TMEM245: variants seen among roughly 807,000 people sequenced by gnomAD.
The protein encoded by TMEM245 is transmembrane protein 245.
In TMEM245, 69 loss-of-function variants were observed where a neutral mutation model predicts 101.2. The observed-to-expected ratio is 0.68, with a 90% confidence interval of 0.56 to 0.83. TMEM245 has a LOEUF of 0.83. Ranked by LOEUF, TMEM245 falls within the 40% of genes least tolerant of loss-of-function variation. The pLI, the probability that TMEM245 is intolerant of heterozygous loss-of-function variation, is 0.00. For missense variants in TMEM245, 1,075 were observed against 1,092.8 expected (o/e 0.98, Z 0.23); for synonymous variants, 537 against 449.8 (o/e 1.19, Z -2.45).
intron 12 of TMEM245, among the ~76,000 whole-genome samples, chr9:109,054,965 T>C (rs966306662): frequency 6.6e-6 from 1 of 152,226 alleles, no homozygotes; most frequent in Non-Finnish European, 1.5e-5. Flanking sequence ...CCCTGAACTG[T>C]TCATTACTCA....
intron 8 of TMEM245, among the ~76,000 whole-genome samples, chr9:109,074,601 T>A (rs1245329332): frequency 7.5e-6 from 1 of 133,780 alleles, no homozygotes; most frequent in Non-Finnish European, 1.6e-5. Flanking sequence ...TCTCTGTCCC[T>A]TTCTGCAGTG....
At chr9:109,027,201 G>C (rs1001003961) in intron 17 of TMEM245, among the ~76,000 whole-genome samples, 1 of 152,104 alleles carries the variant, frequency 6.6e-6, no homozygotes, top group Non-Finnish European at 1.5e-5. Context: ...AGTAGGGTGG[G>C]AGATGGGGGT....
chr9:109,024,531 T>C (rs1464493563), intron 17 of TMEM245, among the ~76,000 whole-genome samples: 2 of 152,182 alleles, frequency 1.3e-5, no homozygotes, highest in Non-Finnish European at 2.9e-5. Flanking sequence ...AACACACATC[T>C]ATAAAACGCG....
At chr9:109,085,911 C>A in intron 7 of TMEM245, 86 bp downstream of exon 7, 6 of 1,442,428 alleles carry the variant, frequency 4.2e-6, no homozygotes, top group Non-Finnish European at 5.8e-6. Context: ...TAGTTTGACA[C>A]ATGGACAGAA....
At chr9:109,116,918 G>A (rs1331978753) in intron 1 of TMEM245, among the ~76,000 whole-genome samples, 1 of 152,130 alleles carries the variant, frequency 6.6e-6, no homozygotes, top group African/African-American at 2.4e-5. Context: ...AGTGCTGCTT[G>A]AGCAGAATGC....
At chr9:109,036,866 C>T (rs1588023605) in intron 15 of TMEM245, among the ~76,000 whole-genome samples, 1 of 152,336 alleles carries the variant, frequency 6.6e-6, no homozygotes, top group Admixed American at 6.5e-5. Flanking sequence ...CTCCATCTGG[C>T]TTCTCTCCAA....
In TMEM245 at chr9:109,046,712, T is replaced by C. The variant is rs113407155; in HGVS notation, c.2123+3571A>G. Among the ~76,000 whole-genome samples the C allele has an allele frequency of 9.8e-4, 150 of 152,352 alleles. 1 individual carries two copies. The highest frequency in any genetic ancestry group is 3.4e-3 in the African/African-American group (140 of 41,580). On this transcript the variant is annotated intron_variant, in intron 14 of 17. Coordinates refer to ENST00000374586, the MANE Select transcript of TMEM245 (RefSeq NM_032012.4). ...AATGACTGATGCTTATAAAAGTTGG[T>C]ATCACTGATATTTGTAGGCTAAACT... is the stretch of plus-strand genomic sequence containing the variant.
rs139203152 is a variant in TMEM245 at position 109,062,290 on chromosome 9, C to A, written c.1624-1838G>T. On this transcript the variant is annotated intron_variant, in intron 10 of 17. Transcript: ENST00000374586. ...GGGATTACAGGCATGAGCCACCACA[C>A]CCAGCCGAAAATGAGCATTTTAATG... Among the ~76,000 whole-genome samples the A allele has an allele frequency of 1.0e-3, 159 of 152,298 alleles. 1 individual carries two copies. Among genetic ancestry groups the A allele is most frequent in the African/African-American group, 3.7e-3 (153 of 41,552 alleles).
intron 6 of TMEM245, among the ~76,000 whole-genome samples, 192 bp downstream of exon 6, chr9:109,086,981 C>T (rs1233750264): frequency 3.9e-5 from 6 of 152,164 alleles, no homozygotes; most frequent in Admixed American, 1.3e-4. Context: ...AAAATACTTA[C>T]ACAAGCCTTA....
At position 109,015,260 on chromosome 9, in the gene TMEM245, G is replaced by A. The variant is rs1827396676; in HGVS notation, c.*5200C>T. 1 of 152,196 alleles carries A rather than the reference G, an allele frequency of 6.6e-6. No homozygotes were observed. The highest frequency in any genetic ancestry group is 2.4e-5 in the African/African-American group (1 of 41,448). The allele number at this position is 152,196 out of a possible 1,614,324, so 9.4% of individuals were successfully genotyped here. On this transcript the variant is annotated 3_prime_UTR_variant, in exon 18 of 18. Coordinates refer to ENST00000374586, the MANE Select transcript of TMEM245 (RefSeq NM_032012.4). ...GTTAGCTAAGAAACAGCATTTGTGT[G>A]AGAACAGAGGGTATTTATTGTATTC...
chr9:109,057,434 A>T, intron 11 of TMEM245, 112 bp from the exon 12 acceptor site: 1 of 1,251,484 alleles, frequency 8.0e-7, no homozygotes, highest in South Asian at 1.5e-5. Context: ...AAGTACTCCA[A>T]GGAAAAGAAC....
At chr9:109,022,512 A>G (rs1406470645) in intron 17 of TMEM245, among the ~76,000 whole-genome samples, 2 of 88,072 alleles carry the variant, frequency 2.3e-5, no homozygotes, top group African/African-American at 7.6e-5. Flanking sequence ...TCTATCTCAA[A>G]TCAGTGTTTC....
Position 109,017,300 on chromosome 9 carries a change from T to TC in TMEM245, c.*3159dup, listed in dbSNP as rs1827475978. ...TGTCATGGGCCAACCCACACTAGAC[T>TC]CAGAAGTCAAGGGAAAGCTCTGCCA... On this transcript the variant is annotated 3_prime_UTR_variant, in exon 18 of 18. Coordinates refer to ENST00000374586, the MANE Select transcript of TMEM245 (RefSeq NM_032012.4). 2 of 152,168 alleles carry TC rather than the reference T, an allele frequency of 1.3e-5. No homozygotes were observed. Among genetic ancestry groups the TC allele is most frequent in the African/African-American group, 4.8e-5 (2 of 41,440 alleles). The allele number at this position is 152,168 out of a possible 1,614,324, so 9.4% of individuals were successfully genotyped here.
At chr9:109,045,452 C>T (rs1199620628) in intron 14 of TMEM245, among the ~76,000 whole-genome samples, 1 of 152,174 alleles carries the variant, frequency 6.6e-6, no homozygotes, top group Non-Finnish European at 1.5e-5. Context: ...ATGACAGCAT[C>T]ACAATAGATC....
chr9:109,054,020 C>A (rs1828763382), intron 12 of TMEM245, among the ~76,000 whole-genome samples: 1 of 152,186 alleles, frequency 6.6e-6, no homozygotes, highest in African/African-American at 2.4e-5. Flanking sequence ...AACACAGCCA[C>A]TGTATTTCTA....
At chr9:109,072,036 C>CATATTTTGTATGTAGA (rs753464485) in intron 9 of TMEM245, among the ~76,000 whole-genome samples, 4 of 152,170 alleles carry the variant, frequency 2.6e-5, no homozygotes, top group African/African-American at 9.7e-5. Flanking sequence ...AATGAGTAGA[C>CATATTTTGTATGTAGA]ATAGGTATGT....
At position 109,080,206 on chromosome 9, in the gene TMEM245, G is replaced by A. The variant is rs377476070; in HGVS notation, c.1449+633C>T. Among the ~76,000 whole-genome samples the A allele has an allele frequency of 4.6e-5, 7 of 152,184 alleles. No individual in the cohort carries two copies. The South Asian group carries it at 1.4e-3, about 32-fold the overall frequency. On this transcript the variant is annotated intron_variant, in intron 8 of 17. Transcript: ENST00000374586. ...AGAACATACCAAAATCTGGGTTGTGGAGTTCAATACGGTTCAGATAAAATA... is the reference window on the plus strand; with the variant it reads ...AGAACATACCAAAATCTGGGTTGTGAAGTTCAATACGGTTCAGATAAAATA...
At chr9:109,102,186 CCA>C (rs1253758148) in intron 3 of TMEM245, among the ~76,000 whole-genome samples, 1 of 152,104 alleles carries the variant, frequency 6.6e-6, no homozygotes, top group Non-Finnish European at 1.5e-5. Context: ...AGATATATAA[CCA>C]CAGAGTCTAA....
At chr9:109,083,557 AT>A (rs1376555798) in intron 7 of TMEM245, among the ~76,000 whole-genome samples, 2 of 152,166 alleles carry the variant, frequency 1.3e-5, no homozygotes, top group Non-Finnish European at 2.9e-5. Flanking sequence ...CATTTTTTAA[AT>A]TTAGAGATGT....
Sources: gnomAD v4.1 joint callset for allele counts (sites outside exome capture counted in the v4.1 genomes callset) on GRCh38, gnomAD v4.1.1 for gene constraint, MANE v1.5 for transcripts, NCBI Gene and HGNC (gene_info 2026-07-23, HGNC 2026-07-21) for gene names.